The following NT5DC4 variants were observed in gnomAD, a reference collection of about 807,000 sequenced individuals.
NT5DC4 encodes 5'-nucleotidase domain-containing protein 4.
In NT5DC4, 44 loss-of-function variants were observed where a neutral mutation model predicts 26.6. That is an observed-to-expected ratio of 1.65 (90% CI 1.30 to 2.13). NT5DC4 has a LOEUF of 2.13. Among genes scored for constraint, NT5DC4 ranks in the 30% most tolerant of loss-of-function variants. NT5DC4 has a pLI of 0.00. For synonymous variants in NT5DC4, 157 were observed against 86.7 expected, an observed-to-expected ratio of 1.81 and a Z score of -4.51; for missense variants, 399 against 228.1, an observed-to-expected ratio of 1.75 and a Z score of -4.83.
At position 112,722,024 on chromosome 2, in the gene NT5DC4, C is replaced by G; in HGVS notation, c.187C>G (p.Leu63Val). The change falls in exon 3 of 17, where the codon CTG becomes GTG. Residue 63 changes from leucine (L) to valine (V), a missense_variant. By Grantham distance (32) the Leu-to-Val change is conservative. Transcript: ENST00000688554. ...AGCTTATGAGGCCCTGACCTTCGAG[C>G]TGCTGCTGGAGCGCCTGGTGTGCAT... ...SPAYEALTFE[L>V]LLERLVCIGY... 2 of 717,266 alleles carry G rather than the reference C, an allele frequency of 2.8e-6. No individual in the cohort carries two copies. Among genetic ancestry groups the G allele is most frequent in the Middle Eastern group, 4.6e-4 (2 of 4,372 alleles). The allele number at this position is 717,266 out of a possible 1,614,324, so 44.4% of individuals were successfully genotyped here. A position where few individuals can be genotyped will look rare whatever the true frequency, so the allele number is the denominator to read the frequency against.
chr2:112,739,173 T>G (rs1384785154), downstream of NT5DC4: 2 of 739,320 alleles, frequency 2.7e-6, no homozygotes, highest in Admixed American at 2.8e-5. Flanking sequence ...ACAAGAGATA[T>G]GTCTAGAGCA....
chr2:112,734,376 A>C (rs895369288), intron 16 of NT5DC4, among the ~76,000 whole-genome samples: 1 of 152,118 alleles, frequency 6.6e-6, no homozygotes, highest in African/African-American at 2.4e-5. Context: ...GCTCTCTCCA[A>C]CTCTCAAGTT....
chr2:112,727,629 G>A (rs1375276363), intron 15 of NT5DC4, among the ~76,000 whole-genome samples: 1 of 152,218 alleles, frequency 6.6e-6, no homozygotes, highest in African/African-American at 2.4e-5. Context: ...CAAAAGCCAA[G>A]TGTGCAGCCT....
At chr2:112,726,950 T>G in intron 15 of NT5DC4, 1 of 588,552 alleles carries the variant, frequency 1.7e-6, no homozygotes, top group Non-Finnish European at 3.1e-6. Context: ...AAGGGCTGAG[T>G]TGAGCCTGAT....
intron 4 of NT5DC4, 27 bp from the exon 5 acceptor site, chr2:112,722,456 T>A (rs1194964363): frequency 5.6e-6 from 4 of 716,850 alleles, no homozygotes; most frequent in Admixed American, 4.0e-5. Flanking sequence ...CAGGAGGCAC[T>A]GGGGAGGGGT....
intron 1 of NT5DC4, chr2:112,721,595 T>C: frequency 1.4e-6 from 1 of 717,572 alleles, no homozygotes. Flanking sequence ...GATGCACGCT[T>C]GCACACATGC....
chr2:112,727,902 A>T (rs1293555598), intron 15 of NT5DC4, among the ~76,000 whole-genome samples: 1 of 152,108 alleles, frequency 6.6e-6, no homozygotes, highest in Non-Finnish European at 1.5e-5. Flanking sequence ...CGCTATGCCG[A>T]CCTCTACACT....
At chr2:112,724,228 C>T (rs1677371655) in intron 10 of NT5DC4, 102 bp downstream of exon 10, 8 of 707,498 alleles carry the variant, frequency 1.1e-5, no homozygotes, top group Admixed American at 8.0e-5. Context: ...CGTCCAGCCT[C>T]CCTTTGAGGA....
intron 1 of NT5DC4, chr2:112,721,393 T>G: frequency 2.9e-6 from 2 of 693,534 alleles, no homozygotes; most frequent in South Asian, 3.1e-5. Context: ...TCTCTCCCCT[T>G]CACCACGGAC....
At chr2:112,739,126 A>G (rs571483547), downstream of NT5DC4, 6 of 1,104,856 alleles carry the variant, frequency 5.4e-6, no homozygotes, top group African/African-American at 4.8e-5. Context: ...TTCTTATTCA[A>G]TAATAAAACA....
intron 16 of NT5DC4, chr2:112,731,572 T>C (rs1429732866): frequency 6.6e-6 from 1 of 152,350 alleles, no homozygotes; most frequent in Non-Finnish European, 1.5e-5. Context: ...TTTGAGTTTG[T>C]GTATACACAT....
intron 16 of NT5DC4, among the ~76,000 whole-genome samples, chr2:112,736,049 G>A (rs546149017): frequency 4.6e-5 from 7 of 152,160 alleles, no homozygotes; most frequent in Non-Finnish European, 8.8e-5. Context: ...TCCTAGGCCT[G>A]GGGTCAGGGG....
chr2:112,724,253 G>A (rs528939450), intron 10 of NT5DC4, 127 bp downstream of exon 10: 218 of 692,762 alleles, frequency 3.1e-4, no homozygotes, highest in Middle Eastern at 1.7e-3. Flanking sequence ...CTGAGTGTGT[G>A]AGTGGTCATT....
Position 112,721,757 on chromosome 2 carries a change from T to C in NT5DC4, c.75-61T>C. On this transcript the variant is annotated intron_variant, in intron 1 of 16. Coordinates refer to ENST00000688554, the MANE Select transcript of NT5DC4 (RefSeq NM_001393655.1). ...TGCGGGGTTTCCACCCCCTCTGTCC[T>C]TGGGCCTTGGATTCTGGGGGGCTGG... 3 of 716,982 alleles carry C rather than the reference T, an allele frequency of 4.2e-6. No individual in the cohort carries two copies. The South Asian group carries it at 4.5e-5, about 11-fold the overall frequency. 44.4% of individuals were successfully genotyped at this position (716,982 alleles called of 1,614,324 possible). A position where few individuals can be genotyped will look rare whatever the true frequency, so the allele number is the denominator to read the frequency against.
At chr2:112,719,912 CTT>C (rs1288216964), upstream of NT5DC4, among the ~76,000 whole-genome samples, 1 of 95,622 alleles carries the variant, frequency 1.0e-5, no homozygotes, top group Non-Finnish European at 1.9e-5. Context: ...CTTTTTCTTT[CTT>C]TCTTTCTTTC....
chr2:112,725,342 G>A, intron 12 of NT5DC4, 40 bp from the exon 13 acceptor site: 1 of 689,960 alleles, frequency 1.4e-6, no homozygotes, highest in Non-Finnish European at 2.7e-6. Context: ...CCCAAGGCAG[G>A]AAGGGCAAAC....
At chr2:112,720,536 T>C (rs1262678242), upstream of NT5DC4, among the ~76,000 whole-genome samples, 1 of 152,158 alleles carries the variant, frequency 6.6e-6, no homozygotes, top group African/African-American at 2.4e-5. Flanking sequence ...TTTTTGACAC[T>C]TCCTTTTGTA....
intron 16 of NT5DC4, among the ~76,000 whole-genome samples, chr2:112,730,108 G>A (rs1678297370): frequency 6.6e-6 from 1 of 151,842 alleles, no homozygotes; most frequent in Non-Finnish European, 1.5e-5. Flanking sequence ...AGGGCAGGAG[G>A]TCGAGACCAG....
upstream of NT5DC4, among the ~76,000 whole-genome samples, chr2:112,719,924 CTCTTTCTTTCTTTCTTTCTTTCTT>C (rs35714262): frequency 5.7e-3 from 395 of 69,112 alleles, 1 homozygote; most frequent in African/African-American, 0.015. Flanking sequence ...TTCTTTCTTT[CTCTTTCTTTCTTTCTTTCTTTCTT>C]TCTTTCTTTC....
Sources: allele counts gnomAD v4.1 joint callset (sites outside exome capture counted in the v4.1 genomes callset), GRCh38; gene constraint gnomAD v4.1.1; transcripts MANE v1.5; gene names NCBI Gene and HGNC (gene_info 2026-07-23, HGNC 2026-07-21).